Variants in SGCD observed in about 807,000 individuals in gnomAD.
SGCD encodes delta-sarcoglycan.
Under a neutral mutation model 36.6 loss-of-function variants are expected in SGCD, and 18 were observed. That is an observed-to-expected ratio of 0.49 (90% CI 0.34 to 0.73). The LOEUF is 0.73. Ranked by LOEUF, SGCD falls within the 30% of genes least tolerant of loss-of-function variation. The pLI is 0.01. For missense variants in SGCD, 387 were observed against 346.7 expected, an observed-to-expected ratio of 1.12 and a Z score of -0.92; for synonymous variants, 133 against 130.6, an observed-to-expected ratio of 1.02 and a Z score of -0.12.
chr5:156,463,147 T>C lies in SGCD; in HGVS notation c.193-45454T>C, dbSNP rs954424457. Among the ~76,000 whole-genome samples the C allele has an allele frequency of 2.5e-4, 38 of 152,116 alleles. 1 individual carries two copies. Among genetic ancestry groups the C allele is most frequent in the Non-Finnish European group, 2.4e-4 (16 of 68,016 alleles). On this transcript the variant is annotated intron_variant, in intron 3 of 8. Coordinates refer to ENST00000337851, the MANE Select transcript of SGCD (RefSeq NM_000337.6). ...GCAGTTTGTTTTTTTGGTTTGTTTG[T>C]TTGTTTGTTTGTTTGAGACGGAGTC...
At chr5:156,253,475 A>G (rs1765636500) in intron 3 of SGCD, among the ~76,000 whole-genome samples, 1 of 152,218 alleles carries the variant, frequency 6.6e-6, no homozygotes, top group South Asian at 2.1e-4. Flanking sequence ...ATTCAAGACT[A>G]AGAATTATTC....
intron 6 of SGCD, among the ~76,000 whole-genome samples, chr5:156,632,615 G>A (rs1212203569): frequency 6.6e-6 from 1 of 152,158 alleles, no homozygotes; most frequent in African/African-American, 2.4e-5. Flanking sequence ...CTGTTATGAA[G>A]CATTGGAGAG....
chr5:156,289,762 G>T (rs971090842), intron 3 of SGCD, among the ~76,000 whole-genome samples: 3 of 151,844 alleles, frequency 2.0e-5, no homozygotes, highest in Non-Finnish European at 4.4e-5. Flanking sequence ...CAAGCAATCC[G>T]CCCGTCCTAG....
At chr5:156,360,245 ATTTTT>A (rs34088944) in intron 3 of SGCD, among the ~76,000 whole-genome samples, 2 of 138,152 alleles carry the variant, frequency 1.4e-5, no homozygotes, top group African/African-American at 2.7e-5. Context: ...CCCTTTCCTA[ATTTTT>A]TTTTTTTTTT....
At chr5:156,518,244 G>A (rs756059739) in intron 4 of SGCD, among the ~76,000 whole-genome samples, 1 of 151,796 alleles carries the variant, frequency 6.6e-6, no homozygotes, top group Non-Finnish European at 1.5e-5. Context: ...AAGATGAAGG[G>A]CATTACATAA....
intron 3 of SGCD, among the ~76,000 whole-genome samples, chr5:156,411,779 AC>A (rs1772772144): frequency 6.6e-6 from 1 of 152,248 alleles, no homozygotes; most frequent in Non-Finnish European, 1.5e-5. Flanking sequence ...ATTGACACAT[AC>A]ACCAAAAACT....
At chr5:156,572,662 ATATAGCCATTAC>A (rs928799128) in intron 4 of SGCD, among the ~76,000 whole-genome samples, 1 of 152,172 alleles carries the variant, frequency 6.6e-6, no homozygotes, top group African/African-American at 2.4e-5. Context: ...GTATCTGATC[ATATAGCCATTAC>A]TTTTCAAAGA....
At chr5:156,582,493 G>T (rs1356841841) in intron 4 of SGCD, among the ~76,000 whole-genome samples, 1 of 152,126 alleles carries the variant, frequency 6.6e-6, no homozygotes, top group African/African-American at 2.4e-5. Context: ...TGTGACATCT[G>T]CACTCCCACA....
the SGCD span, among the ~76,000 whole-genome samples, chr5:155,752,418 C>T: frequency 6.6e-6 from 1 of 151,850 alleles, no homozygotes; most frequent in Non-Finnish European, 1.5e-5. Flanking sequence ...TTGCATGTGC[C>T]CTGCTCTGCC....
the SGCD span, among the ~76,000 whole-genome samples, chr5:155,755,354 A>C: frequency 6.6e-6 from 1 of 152,160 alleles, no homozygotes; most frequent in Non-Finnish European, 1.5e-5. Context: ...TTGATGTTTT[A>C]TTTCTGTTTG....
At position 155,912,116 on chromosome 5, in the gene SGCD, C is replaced by T. The variant is rs530196173; in HGVS notation, c.-282+41692C>T. On this transcript the variant is annotated intron_variant, in intron 1 of 9. Transcript: ENST00000517913. ...TCCACTTTAGTGGAACTGATACCTC[C>T]TTTGTTTCTGGAATTTCACAATGAA... Among the ~76,000 whole-genome samples, 3 of 152,144 alleles carry T rather than the reference C, an allele frequency of 2.0e-5. No homozygotes were observed. The East Asian group carries it at 5.8e-4, about 30-fold the overall frequency.
intron 3 of SGCD, among the ~76,000 whole-genome samples, chr5:156,276,461 C>G (rs909090114): frequency 6.6e-6 from 1 of 152,198 alleles, no homozygotes; most frequent in African/African-American, 2.4e-5. Context: ...ATCAGTATTC[C>G]ACTTTCTCCA....
At chr5:156,589,113 A>G (rs1760614432) in intron 4 of SGCD, 118 bp from the exon 5 acceptor site, 2 of 665,002 alleles carry the variant, frequency 3.0e-6, no homozygotes, top group African/African-American at 1.8e-5. Context: ...TTTTGAGTAA[A>G]GACACATTGA....
intron 3 of SGCD, 35 bp downstream of exon 3, chr5:156,344,712 TC>T (rs755325586): frequency 6.6e-7 from 1 of 1,509,442 alleles, no homozygotes; most frequent in Non-Finnish European, 9.1e-7. Flanking sequence ...TTAGCTTTCT[TC>T]CGGGAGGGGA....
intron 7 of SGCD, among the ~76,000 whole-genome samples, chr5:156,749,171 T>C (rs1448263858): frequency 2.0e-5 from 3 of 152,168 alleles, no homozygotes; most frequent in Non-Finnish European, 4.4e-5. Flanking sequence ...TAGAAATCTA[T>C]ACTAATAAAT....
intron 7 of SGCD, among the ~76,000 whole-genome samples, chr5:156,748,050 A>G (rs762672437): frequency 2.6e-5 from 4 of 152,200 alleles, no homozygotes; most frequent in Non-Finnish European, 5.9e-5. Context: ...AACCACTACT[A>G]AGCAATAAAA....
intron 1 of SGCD, among the ~76,000 whole-genome samples, chr5:155,931,532 T>C (rs1183452403): frequency 6.6e-6 from 1 of 152,008 alleles, no homozygotes; most frequent in African/African-American, 2.4e-5. Flanking sequence ...AATTGTGGGG[T>C]TTTTTGTTTT....
intron 7 of SGCD, among the ~76,000 whole-genome samples, chr5:156,737,539 G>C (rs1254191183): frequency 6.6e-6 from 1 of 152,122 alleles, no homozygotes; most frequent in African/African-American, 2.4e-5. Flanking sequence ...CACTAATATT[G>C]TTTTCAGCCT....
At chr5:155,835,327 A>C in the SGCD span, among the ~76,000 whole-genome samples, 1 of 152,080 alleles carries the variant, frequency 6.6e-6, no homozygotes, top group Non-Finnish European at 1.5e-5. Flanking sequence ...TTGTTTTTGA[A>C]ACAAAAACCT....
Sources: allele counts gnomAD v4.1 joint callset (sites outside exome capture counted in the v4.1 genomes callset), GRCh38; gene constraint gnomAD v4.1.1; transcripts MANE v1.5; gene names NCBI Gene and HGNC (gene_info 2026-07-23, HGNC 2026-07-21).